Variants in WWOX observed in about 807,000 individuals in gnomAD.
WWOX encodes WW domain containing oxidoreductase, also known as WW domain-containing oxidoreductase.
A neutral mutation model predicts 46.2 loss-of-function variants in WWOX; 69 were observed. That is an observed-to-expected ratio of 1.49 (90% CI 1.23 to 1.82). The LOEUF (loss-of-function observed/expected upper bound fraction) is 1.82. Ranked by LOEUF, WWOX falls within the 40% of genes most tolerant of loss-of-function variation. The probability of loss-of-function intolerance (pLI) is 0.00; values close to 1 mark genes in which losing one functional copy is unlikely to be tolerated. For missense variants in WWOX, 919 were observed against 542.6 expected (o/e 1.69, Z -6.89); for synonymous variants, 359 against 202.6 (o/e 1.77, Z -6.56).
At chr16:78,353,833 G>A (rs1018169270) in intron 5 of WWOX, among the ~76,000 whole-genome samples, 2 of 152,208 alleles carry the variant, frequency 1.3e-5, no homozygotes, top group East Asian at 3.9e-4. Flanking sequence ...CTGGGCTTGG[G>A]TGGCGTTCGC....
At chr16:78,541,152 T>C (rs2043882448) in intron 8 of WWOX, among the ~76,000 whole-genome samples, 1 of 152,120 alleles carries the variant, frequency 6.6e-6, no homozygotes. Flanking sequence ...AAATTGCACA[T>C]ACTCTATAAA....
At chr16:78,657,180 C>T (rs1347939945) in intron 8 of WWOX, among the ~76,000 whole-genome samples, 1 of 152,160 alleles carries the variant, frequency 6.6e-6, no homozygotes, top group Non-Finnish European at 1.5e-5. Context: ...TGAGGTTTGT[C>T]ATTTTTACTC....
intron 5 of WWOX, among the ~76,000 whole-genome samples, chr16:78,195,534 G>A (rs2036020867): frequency 6.6e-6 from 1 of 151,690 alleles, no homozygotes; most frequent in African/African-American, 2.4e-5. Flanking sequence ...ATTTCTAAGT[G>A]CTAAGAAAAA....
intron 8 of WWOX, among the ~76,000 whole-genome samples, chr16:78,793,218 C>A (rs1238850450): frequency 6.6e-6 from 1 of 151,986 alleles, no homozygotes; most frequent in Non-Finnish European, 1.5e-5. Flanking sequence ...GACCACAATG[C>A]CCAGCTAATT....
intron 8 of WWOX, among the ~76,000 whole-genome samples, chr16:78,485,659 TCTG>T (rs1217513914): frequency 2.6e-5 from 4 of 152,212 alleles, no homozygotes; most frequent in African/African-American, 9.6e-5. Context: ...GTGAAGGACA[TCTG>T]CTCACAAGTG....
chr16:78,462,551 C>G (rs899475598), intron 8 of WWOX, among the ~76,000 whole-genome samples: 6 of 152,188 alleles, frequency 3.9e-5, no homozygotes, highest in African/African-American at 1.2e-4. Context: ...TCTTCAGTGT[C>G]TGCAAATGAC....
At chr16:78,371,095 G>C (rs1157166574) in intron 5 of WWOX, among the ~76,000 whole-genome samples, 3 of 150,282 alleles carry the variant, frequency 2.0e-5, no homozygotes, top group Non-Finnish European at 4.4e-5. Context: ...ATCGTTATTA[G>C]AGTGTGTAAC....
At chr16:78,876,486 A>T (rs1472152035) in intron 8 of WWOX, among the ~76,000 whole-genome samples, 2 of 147,678 alleles carry the variant, frequency 1.4e-5, no homozygotes, top group Non-Finnish European at 3.0e-5. Context: ...TTTTTTTTTT[A>T]AAGGAGTTTC....
intron 8 of WWOX, among the ~76,000 whole-genome samples, chr16:78,580,450 G>A (rs761455758): frequency 6.6e-6 from 1 of 152,194 alleles, no homozygotes; most frequent in Non-Finnish European, 1.5e-5. Flanking sequence ...AAATAACCTT[G>A]TTGTGGAGCT....
chr16:79,049,330 T>G (rs940616026), intron 8 of WWOX, among the ~76,000 whole-genome samples: 3 of 152,202 alleles, frequency 2.0e-5, no homozygotes, highest in Admixed American at 6.5e-5. Flanking sequence ...GTGCCCGCTC[T>G]TTCACACTGG....
chr16:78,897,571 C>T (rs950682347), intron 8 of WWOX: 1 of 152,072 alleles, frequency 6.6e-6, no homozygotes, highest in Admixed American at 6.6e-5. Flanking sequence ...TATCTGTGCA[C>T]CTGTTGATGA....
At chr16:78,412,082 C>T (rs923508754) in intron 6 of WWOX, among the ~76,000 whole-genome samples, 1 of 152,062 alleles carries the variant, frequency 6.6e-6, no homozygotes, top group Non-Finnish European at 1.5e-5. Flanking sequence ...AGTTCATGCT[C>T]CAGAGGTAGT....
intron 8 of WWOX, among the ~76,000 whole-genome samples, chr16:78,759,102 G>T (rs2049728426): frequency 6.6e-6 from 1 of 152,102 alleles, no homozygotes; most frequent in Non-Finnish European, 1.5e-5. Flanking sequence ...AGTTGTATAT[G>T]GGTGCCAGTT....
At chr16:78,295,693 TGAGA>T (rs2079934317) in intron 5 of WWOX, among the ~76,000 whole-genome samples, 1 of 151,208 alleles carries the variant, frequency 6.6e-6, no homozygotes, top group Non-Finnish European at 1.5e-5. Flanking sequence ...CCTGGGTGGC[TGAGA>T]AAGACTCAGT....
intron 8 of WWOX, among the ~76,000 whole-genome samples, chr16:78,961,550 G>T (rs2046271570): frequency 1.3e-5 from 2 of 152,066 alleles, no homozygotes; most frequent in South Asian, 2.1e-4. Flanking sequence ...ATGGATGTAT[G>T]GATGGGTGGG....
intron 5 of WWOX, among the ~76,000 whole-genome samples, chr16:78,166,301 G>A (rs1006468830): frequency 2.6e-5 from 4 of 152,152 alleles, no homozygotes; most frequent in South Asian, 2.1e-4. Context: ...TGGCCATTTA[G>A]GTTGTTTGCA....
chr16:78,730,975 C>A (rs887959412), intron 8 of WWOX, among the ~76,000 whole-genome samples: 1 of 152,098 alleles, frequency 6.6e-6, no homozygotes, highest in Non-Finnish European at 1.5e-5. Context: ...CAAAGTAACT[C>A]AACTTACAGT....
chr16:78,669,309 C>G (rs1247594393), intron 8 of WWOX, among the ~76,000 whole-genome samples: 3 of 152,216 alleles, frequency 2.0e-5, no homozygotes, highest in Non-Finnish European at 4.4e-5. Flanking sequence ...GGATTTGTGT[C>G]TATAAACAAA....
chr16:78,568,146 G>A (rs1439295362), intron 8 of WWOX, among the ~76,000 whole-genome samples: 1 of 152,110 alleles, frequency 6.6e-6, no homozygotes, highest in Non-Finnish European at 1.5e-5. Flanking sequence ...GTGACCAGAT[G>A]GTTCTAAAAT....
Sources: gnomAD v4.1 joint callset for allele counts (sites outside exome capture counted in the v4.1 genomes callset) on GRCh38, gnomAD v4.1.1 for gene constraint, MANE v1.5 for transcripts, NCBI Gene and HGNC (gene_info 2026-07-23, HGNC 2026-07-21) for gene names.